The following PSMB2 variants were observed in gnomAD, a reference collection of about 807,000 sequenced individuals.
The protein encoded by PSMB2 is proteasome subunit beta type-2.
A neutral mutation model predicts 25.7 loss-of-function variants in PSMB2; 13 were observed. That is an observed-to-expected ratio of 0.51 (90% confidence interval 0.33 to 0.80). The LOEUF is 0.80. Among genes scored for constraint, PSMB2 ranks in the 30% least tolerant of loss-of-function variants. The pLI is 0.02. For missense variants in PSMB2, 202 were observed against 259.0 expected (o/e 0.78, Z 1.51); for synonymous variants, 87 against 96.2 (o/e 0.90, Z 0.56).
intron 2 of PSMB2, among the ~76,000 whole-genome samples, chr1:35,634,352 GT>G (rs1651184623): frequency 6.6e-6 from 1 of 151,694 alleles, no homozygotes; most frequent in East Asian, 2.0e-4. Context: ...GTTTACTTAG[GT>G]TTTTTGACGC....
At chr1:35,628,452 G>A (rs150585766) in intron 3 of PSMB2, among the ~76,000 whole-genome samples, 5 of 150,730 alleles carry the variant, frequency 3.3e-5, no homozygotes, top group African/African-American at 1.2e-4. Flanking sequence ...CATCGTACAT[G>A]GCAAGTCATA....
At chr1:35,633,288 C>G (rs1192295695) in intron 2 of PSMB2, among the ~76,000 whole-genome samples, 1 of 151,530 alleles carries the variant, frequency 6.6e-6, no homozygotes, top group Non-Finnish European at 1.5e-5. Context: ...CTTTACTTAA[C>G]CCCCTAAACA....
At chr1:35,628,596 AATATATATATATATATATATAT>A (rs869040203) in intron 3 of PSMB2, among the ~76,000 whole-genome samples, 2 of 25,098 alleles carry the variant, frequency 8.0e-5, no homozygotes, top group Non-Finnish European at 1.5e-4. Flanking sequence ...AAAAAAAAAA[AATATATATATATATATATATAT>A]ATATATATAT....
At position 35,605,284 on chromosome 1, in the gene PSMB2, T is replaced by C. The variant is rs1304035590; in HGVS notation, c.449-2A>G. On this transcript the variant is annotated splice_acceptor_variant, in intron 4 of 5. Coordinates refer to ENST00000373237, the MANE Select transcript of PSMB2 (RefSeq NM_002794.5). LOFTEE classifies it high-confidence loss of function. ...CCACTGCCCTCTCACGTGAGATAGC[T>C]GAAAGAGAACACAGAGACCAAATAC... is the stretch of plus-strand genomic sequence containing the variant. 6.2e-7 allele frequency: 1 copy of C among 1,612,868 alleles called. No individual in the cohort carries two copies. Among genetic ancestry groups the C allele is most frequent in the Non-Finnish European group, 8.5e-7 (1 of 1,179,376 alleles).
intron 4 of PSMB2, among the ~76,000 whole-genome samples, chr1:35,606,394 T>A (rs1650170969): frequency 6.6e-6 from 1 of 152,256 alleles, no homozygotes; most frequent in South Asian, 2.1e-4. Context: ...AGTATTTCTA[T>A]ACACAAACTA....
At chr1:35,631,513 A>T in intron 2 of PSMB2, 169 bp from the exon 3 acceptor site, 1 of 1,431,354 alleles carries the variant, frequency 7.0e-7, no homozygotes, top group South Asian at 1.5e-5. Flanking sequence ...CTCATGCAAC[A>T]GCTATGAAAT....
intron 2 of PSMB2, among the ~76,000 whole-genome samples, chr1:35,632,066 A>G (rs1167580259): frequency 6.6e-6 from 1 of 152,192 alleles, no homozygotes; most frequent in Non-Finnish European, 1.5e-5. Context: ...AAGAGAGGCT[A>G]GAAGTTAGGA....
chr1:35,640,780 C>G (rs534467347), intron 1 of PSMB2, among the ~76,000 whole-genome samples: 3 of 152,312 alleles, frequency 2.0e-5, no homozygotes, highest in Admixed American at 1.3e-4. Flanking sequence ...GAGAGCCAGG[C>G]TCTGGGCAGG....
At chr1:35,628,632 T>TATATATATATATGTATATATATA (rs1491503087) in intron 3 of PSMB2, among the ~76,000 whole-genome samples, 1 of 35,484 alleles carries the variant, frequency 2.8e-5, no homozygotes, top group African/African-American at 1.0e-4. Context: ...TATATATATA[T>TATATATATATATGTATATATATA]TTTTTTTTTT....
chr1:35,625,859 CAG>C (rs1448336807), intron 3 of PSMB2, among the ~76,000 whole-genome samples: 1 of 151,540 alleles, frequency 6.6e-6, no homozygotes, highest in East Asian at 2.0e-4. Flanking sequence ...TTTTTTTAGA[CAG>C]AGTCTTGCTC....
chr1:35,607,804 C>G (rs563047468), intron 4 of PSMB2, among the ~76,000 whole-genome samples: 10 of 151,984 alleles, frequency 6.6e-5, no homozygotes, highest in Non-Finnish European at 1.3e-4. Flanking sequence ...CCTAGGTGTC[C>G]GAGAACAGAT....
intron 3 of PSMB2, among the ~76,000 whole-genome samples, chr1:35,618,261 A>G (rs951322204): frequency 6.6e-6 from 1 of 152,210 alleles, no homozygotes; most frequent in African/African-American, 2.4e-5. Flanking sequence ...AGGACTCTCA[A>G]TAAGGGGGAC....
At chr1:35,628,615 ATATATATATATATATATTTTT>A (rs1557456458) in intron 3 of PSMB2, among the ~76,000 whole-genome samples, 1 of 48,986 alleles carries the variant, frequency 2.0e-5, no homozygotes, top group African/African-American at 8.1e-5. Flanking sequence ...ATATATATAT[ATATATATATATATATATTTTT>A]TTTTTTTTTT....
intron 3 of PSMB2, among the ~76,000 whole-genome samples, chr1:35,626,759 A>G (rs992598917): frequency 6.6e-6 from 1 of 152,238 alleles, no homozygotes; most frequent in African/African-American, 2.4e-5. Context: ...GATACTTAAT[A>G]ACAGATACAT....
Position 35,600,738 on chromosome 1 carries a change from G to T in PSMB2, c.*2529C>A. ...ATCCAGATTGGCAAAAAAACACTGA[G>T]AGTCAGGATGGGTTTGCAGGCTTGC... On this transcript the variant is annotated 3_prime_UTR_variant, in exon 6 of 6. Transcript: ENST00000373237. 1 of 985,432 alleles carries T rather than the reference G, an allele frequency of 1.0e-6. No homozygotes were observed. The highest frequency in any genetic ancestry group is 1.2e-6 in the Non-Finnish European group (1 of 829,948). 61.0% of individuals were successfully genotyped at this position (985,432 alleles called of 1,614,324 possible).
At chr1:35,633,312 G>A (rs192825271) in intron 2 of PSMB2, among the ~76,000 whole-genome samples, 2 of 151,802 alleles carry the variant, frequency 1.3e-5, no homozygotes, top group African/African-American at 4.8e-5. Flanking sequence ...CTGAAGATCT[G>A]ACCATTATCC....
Position 35,600,055 on chromosome 1 carries a change from G to T in PSMB2, c.*3212C>A. ...GGAGGCTGGGGTAAGAGGTTCACTT[G>T]AGCCCAGGAGTTCAAGTGAACTTAC... On this transcript the variant is annotated 3_prime_UTR_variant, in exon 6 of 6. Coordinates refer to ENST00000373237, the MANE Select transcript of PSMB2 (RefSeq NM_002794.5). 1 of 680,654 alleles carries T rather than the reference G, an allele frequency of 1.5e-6. No homozygotes were observed. The highest frequency in any genetic ancestry group is 1.8e-6 in the Non-Finnish European group (1 of 551,938). The allele number at this position is 680,654 out of a possible 1,614,324, so 42.2% of individuals were successfully genotyped here.
Position 35,641,480 on chromosome 1 carries a change from C to A in PSMB2, c.-48G>T. On this transcript the variant is annotated 5_prime_UTR_variant, in exon 1 of 6. Transcript: ENST00000373237. ...CAGGTCCGACACAGCACGAGACTCG[C>A]CCGCTTCCAGGTCTCACCGGTGAGA... The A allele has an allele frequency of 6.2e-7, 1 of 1,612,580 alleles. No homozygotes were observed. The highest frequency in any genetic ancestry group is 1.1e-5 in the South Asian group (1 of 90,900).
intron 2 of PSMB2, among the ~76,000 whole-genome samples, chr1:35,634,095 C>T (rs972447239): frequency 3.3e-5 from 5 of 152,098 alleles, no homozygotes; most frequent in African/African-American, 1.2e-4. Context: ...GTTCATTAGC[C>T]CCAGAGAGAG....
Sources: gnomAD v4.1 joint callset for allele counts (sites outside exome capture counted in the v4.1 genomes callset) on GRCh38, gnomAD v4.1.1 for gene constraint, MANE v1.5 for transcripts, NCBI Gene and HGNC (gene_info 2026-07-23, HGNC 2026-07-21) for gene names.